Variants in ZNF469 observed in about 807,000 individuals in gnomAD.
ZNF469 encodes the protein zinc finger protein 469.
A neutral mutation model predicts 1.0 loss-of-function variants in ZNF469; 1 was observed. The ratio of observed to expected loss-of-function variants is 1.00; its 90% CI spans 0.35 to 4.73. The LOEUF (loss-of-function observed/expected upper bound fraction) is 4.73. ZNF469 is among the 30% of genes most tolerant of loss of function. The probability of loss-of-function intolerance (pLI) is 0.16; values close to 1 mark genes in which losing one functional copy is unlikely to be tolerated. For missense variants in ZNF469, 6,100 were observed against 5,356.3 expected, an observed-to-expected ratio of 1.14 and a Z score of -4.33; for synonymous variants, 2,703 against 2,363.4, an observed-to-expected ratio of 1.14 and a Z score of -4.17.
chr16:88,123,263 G>A, the ZNF469 span, among the ~76,000 whole-genome samples: 1 of 152,150 alleles, frequency 6.6e-6, no homozygotes, highest in African/African-American at 2.4e-5. Context: ...CGGGCAGCAT[G>A]CACTGGCTGT....
At chr16:88,269,081 GCT>G in the ZNF469 span, among the ~76,000 whole-genome samples, 2 of 152,206 alleles carry the variant, frequency 1.3e-5, no homozygotes, top group Non-Finnish European at 2.9e-5. Flanking sequence ...GGGTCCCTCT[GCT>G]CAGCCCTCCC....
At chr16:88,281,113 A>C in the ZNF469 span, among the ~76,000 whole-genome samples, 4 of 138,482 alleles carry the variant, frequency 2.9e-5, no homozygotes, top group Admixed American at 1.5e-4. Context: ...GTACCGTGTC[A>C]ATTTTGGTGC....
In ZNF469 at chr16:88,436,285, C is replaced by T. The variant is rs767926139; in HGVS notation, c.8815C>T (p.Leu2939Phe). 7 of 1,549,992 alleles carry T rather than the reference C, an allele frequency of 4.5e-6. No homozygotes were observed. The highest frequency in any genetic ancestry group is 2.0e-5 in the Admixed American group (1 of 51,014). The change falls in exon 3 of 3, where the codon CTC becomes TTC. Residue 2939 changes from leucine (L) to phenylalanine (F), a missense_variant. Leu to Phe is a conservative substitution (Grantham distance 22). Coordinates refer to ENST00000565624, the MANE Select transcript of ZNF469 (RefSeq NM_001367624.2). ...EDPAGLPESF[L>F]LDGFLNSRVP... is the part of the protein sequence containing the mutation. ...TCCCGCAGGTCTGCCCGAGTCCTTC[C>T]TCCTGGATGGGTTCCTCAATAGCAG...
At chr16:88,351,751 G>C in the ZNF469 span, among the ~76,000 whole-genome samples, 1 of 152,294 alleles carries the variant, frequency 6.6e-6, no homozygotes, top group East Asian at 1.9e-4. Context: ...CAGGGTGCAG[G>C]GGGTTGTGCG....
At chr16:88,242,715 G>C in the ZNF469 span, among the ~76,000 whole-genome samples, 1 of 152,282 alleles carries the variant, frequency 6.6e-6, no homozygotes, top group Non-Finnish European at 1.5e-5. Context: ...GGTCAGCCTG[G>C]TTCCCACAGC....
chr16:88,251,453 T>C, the ZNF469 span, among the ~76,000 whole-genome samples: 3 of 151,880 alleles, frequency 2.0e-5, no homozygotes, highest in Non-Finnish European at 4.4e-5. Context: ...AGATTGTTGC[T>C]TTTTTTGTTC....
chr16:88,302,665 G>A, the ZNF469 span, among the ~76,000 whole-genome samples: 8 of 152,200 alleles, frequency 5.3e-5, 1 homozygote, highest in African/African-American at 1.9e-4. Flanking sequence ...ACAGACGTTG[G>A]GAGGAAGGAC....
At chr16:88,190,558 A>G in the ZNF469 span, among the ~76,000 whole-genome samples, 213 of 152,280 alleles carry the variant, frequency 1.4e-3, 3 homozygotes, top group East Asian at 0.034. Flanking sequence ...CGTCCTCACA[A>G]TGCATGCTTG....
chr16:88,274,083 G>A, the ZNF469 span, among the ~76,000 whole-genome samples: 1 of 152,208 alleles, frequency 6.6e-6, no homozygotes, highest in Non-Finnish European at 1.5e-5. Flanking sequence ...GATTACAGGC[G>A]TGAGCCACCG....
chr16:88,436,948 C>A lies in ZNF469; in HGVS notation c.9478C>A (p.Arg3160=). The A allele has an allele frequency of 6.7e-7, 1 of 1,494,108 alleles. No individual in the cohort carries two copies. 92.6% of individuals were successfully genotyped at this position (1,494,108 alleles called of 1,614,324 possible). A position where few individuals can be genotyped will look rare whatever the true frequency, so the allele number is the denominator to read the frequency against. Residue 3160 remains arginine (R), a synonymous_variant, in exon 3 of 3, where the codon CGG becomes AGG. Coordinates refer to ENST00000565624, the MANE Select transcript of ZNF469 (RefSeq NM_001367624.2). The part of the protein sequence containing the change: ...ERRFGSRELL[R]GHLQERHAQS... Reference sequence around the variant, plus strand: ...CAGGTTTGGCTCGCGGGAGCTGCTGCGGGGGCACCTGCAGGAGAGGCACGC... The same window carrying A: ...CAGGTTTGGCTCGCGGGAGCTGCTGAGGGGGCACCTGCAGGAGAGGCACGC...
the ZNF469 span, among the ~76,000 whole-genome samples, chr16:88,185,500 C>G: frequency 6.8e-6 from 1 of 146,928 alleles, no homozygotes; most frequent in Non-Finnish European, 1.5e-5. Flanking sequence ...GACTATAATA[C>G]ATGCACACAT....
chr16:88,191,337 G>C, the ZNF469 span: 12 of 152,384 alleles, frequency 7.9e-5, no homozygotes, highest in African/African-American at 2.6e-4. Context: ...AATGCGTACA[G>C]AGCAGACAGC....
chr16:88,173,351 A>T, the ZNF469 span, among the ~76,000 whole-genome samples: 276 of 152,368 alleles, frequency 1.8e-3, 2 homozygotes, highest in African/African-American at 6.4e-3. Context: ...GGTGGGGAGA[A>T]CCTGCCAAGA....
chr16:88,310,431 C>T, the ZNF469 span, among the ~76,000 whole-genome samples: 1 of 140,900 alleles, frequency 7.1e-6, no homozygotes, highest in African/African-American at 2.5e-5. Context: ...ACATCTAACA[C>T]AGCCCTGCGT....
chr16:88,290,397 G>C, the ZNF469 span, among the ~76,000 whole-genome samples: 3 of 152,118 alleles, frequency 2.0e-5, no homozygotes, highest in African/African-American at 7.2e-5. Flanking sequence ...TCGAAAGTCT[G>C]TTTCCAGCAT....
chr16:88,328,554 C>G, the ZNF469 span, among the ~76,000 whole-genome samples: 1 of 152,244 alleles, frequency 6.6e-6, no homozygotes, highest in Non-Finnish European at 1.5e-5. Context: ...TGATCCGATG[C>G]ACCTGGCCTG....
At chr16:88,379,398 G>T (rs926416600), upstream of ZNF469, among the ~76,000 whole-genome samples, 4 of 152,066 alleles carry the variant, frequency 2.6e-5, no homozygotes, top group African/African-American at 7.2e-5. Flanking sequence ...CCTGCTCCCT[G>T]CAGAGCACCC....
At chr16:88,132,757 G>A in the ZNF469 span, among the ~76,000 whole-genome samples, 1 of 152,182 alleles carries the variant, frequency 6.6e-6, no homozygotes, top group African/African-American at 2.4e-5. Flanking sequence ...AGTGTCCTGG[G>A]GCAGTGGCCC....
intron 1 of ZNF469, among the ~76,000 whole-genome samples, chr16:88,384,142 T>C (rs1314591473): frequency 6.6e-6 from 1 of 152,228 alleles, no homozygotes; most frequent in East Asian, 1.9e-4. Context: ...CCACGTGTTA[T>C]CACGTTTAAT....
Sources: gnomAD v4.1 joint callset for allele counts (sites outside exome capture counted in the v4.1 genomes callset) on GRCh38, gnomAD v4.1.1 for gene constraint, MANE v1.5 for transcripts, NCBI Gene and HGNC (gene_info 2026-07-23, HGNC 2026-07-21) for gene names.